Variants in CNTNAP5 observed in about 807,000 individuals in gnomAD.
The protein encoded by CNTNAP5 is contactin-associated protein-like 5.
A neutral mutation model predicts 150.2 loss-of-function variants in CNTNAP5; 72 were observed. The ratio of observed to expected loss-of-function variants is 0.48; its 90% CI spans 0.40 to 0.58. The LOEUF (loss-of-function observed/expected upper bound fraction) is 0.58. Ranked by LOEUF, CNTNAP5 falls within the 20% of genes least tolerant of loss-of-function variation. The pLI is 0.00. For synonymous variants in CNTNAP5, 672 were observed against 619.8 expected, an observed-to-expected ratio of 1.08 and a Z score of -1.25; for missense variants, 1,636 against 1,626.2, an observed-to-expected ratio of 1.01 and a Z score of -0.10.
chr2:124,178,098 C>T (rs1008322033), intron 1 of CNTNAP5, among the ~76,000 whole-genome samples: 2 of 152,034 alleles, frequency 1.3e-5, no homozygotes, highest in East Asian at 1.9e-4. Flanking sequence ...CCACCCGCCT[C>T]GGCCTCCCAA....
At chr2:124,244,552 A>G (rs962232605) in intron 3 of CNTNAP5, among the ~76,000 whole-genome samples, 1 of 152,096 alleles carries the variant, frequency 6.6e-6, no homozygotes, top group African/African-American at 2.4e-5. Flanking sequence ...AGCTCCCCAG[A>G]GATGCTTGCA....
intron 19 of CNTNAP5, among the ~76,000 whole-genome samples, chr2:124,820,854 GC>G (rs1268294690): frequency 2.6e-5 from 4 of 152,196 alleles, no homozygotes; most frequent in Non-Finnish European, 5.9e-5. Context: ...CTGTGGGTTA[GC>G]TTCTGTGATT....
chr2:124,805,586 A>G (rs1682064947), intron 19 of CNTNAP5, among the ~76,000 whole-genome samples: 2 of 152,238 alleles, frequency 1.3e-5, no homozygotes, highest in Admixed American at 6.5e-5. Flanking sequence ...AAGAGCTAGT[A>G]TGGAAATAAA....
At chr2:124,710,549 C>T (rs1027671236) in intron 13 of CNTNAP5, among the ~76,000 whole-genome samples, 1 of 152,148 alleles carries the variant, frequency 6.6e-6, no homozygotes, top group Non-Finnish European at 1.5e-5. Context: ...CAATCCACCA[C>T]TCCATCCAGC....
chr2:124,896,161 A>C (rs571574802), intron 21 of CNTNAP5, among the ~76,000 whole-genome samples: 3 of 151,574 alleles, frequency 2.0e-5, no homozygotes, highest in Non-Finnish European at 4.4e-5. Flanking sequence ...TCTAATCAGA[A>C]CTTGGTTTGC....
chr2:124,298,547 C>T (rs1238172466), intron 3 of CNTNAP5, among the ~76,000 whole-genome samples: 2 of 152,172 alleles, frequency 1.3e-5, no homozygotes, highest in African/African-American at 2.4e-5. Flanking sequence ...GAAGACCTTC[C>T]TCTGGAGCCT....
At chr2:124,876,466 G>A (rs1327237261) in intron 21 of CNTNAP5, among the ~76,000 whole-genome samples, 1 of 151,698 alleles carries the variant, frequency 6.6e-6, no homozygotes, top group Non-Finnish European at 1.5e-5. Context: ...TTTTTAAGAG[G>A]AGAGAAGAGG....
At chr2:124,735,105 A>C (rs572698994) in intron 13 of CNTNAP5, among the ~76,000 whole-genome samples, 2 of 152,318 alleles carry the variant, frequency 1.3e-5, no homozygotes, top group South Asian at 4.1e-4. Context: ...AGAGAATTCT[A>C]GCTTTCCCCT....
intron 5 of CNTNAP5, among the ~76,000 whole-genome samples, chr2:124,437,685 T>A (rs182875243): frequency 2.0e-5 from 3 of 152,264 alleles, no homozygotes; most frequent in Admixed American, 2.0e-4. Context: ...TTTCCTGTTG[T>A]CACACAGCCT....
At chr2:124,391,780 C>T (rs1310689387) in intron 3 of CNTNAP5, among the ~76,000 whole-genome samples, 1 of 150,778 alleles carries the variant, frequency 6.6e-6, no homozygotes. Context: ...ACGGTGAGAC[C>T]CCGTCTCTAC....
At position 124,504,466 on chromosome 2, in the gene CNTNAP5, G is replaced by A. The variant is rs780735298; in HGVS notation, c.1237G>A (p.Gly413Ser). The change falls in exon 8 of 24, where the codon GGC (glycine) becomes AGC (serine). Residue 413 changes from glycine to serine, a missense_variant. Physicochemically the swap from Gly to Ser is moderately conservative, Grantham distance 56. Transcript: ENST00000682447. ...GLLLSTELSE[G>S]SGTLLLSLEG... ...GCTTCTGTCCACAGAGCTGTCTGAG[G>A]GCTCGGGAACCCTGCTGCTGAGCCT... 14 of 1,613,814 alleles carry A rather than the reference G, an allele frequency of 8.7e-6. No individual in the cohort carries two copies. The South Asian group carries it at 1.4e-4, about 16-fold the overall frequency.
chr2:124,065,064 C>T (rs1006802157), intron 1 of CNTNAP5, among the ~76,000 whole-genome samples: 2 of 152,110 alleles, frequency 1.3e-5, no homozygotes, highest in Non-Finnish European at 2.9e-5. Context: ...TCCCCCAGTA[C>T]CTCTCTATAG....
chr2:124,387,643 A>C (rs898032859), intron 3 of CNTNAP5, among the ~76,000 whole-genome samples: 28 of 152,070 alleles, frequency 1.8e-4, no homozygotes, highest in African/African-American at 6.8e-4. Context: ...AGGGTGGGGG[A>C]GATTACAAAG....
chr2:124,176,747 T>C (rs1179548723), intron 1 of CNTNAP5, among the ~76,000 whole-genome samples: 1 of 152,008 alleles, frequency 6.6e-6, no homozygotes, highest in Non-Finnish European at 1.5e-5. Context: ...GCAGCATTCC[T>C]TCTTTCTGGG....
intron 6 of CNTNAP5, among the ~76,000 whole-genome samples, chr2:124,453,698 T>C (rs1165498718): frequency 1.3e-5 from 2 of 152,176 alleles, no homozygotes; most frequent in African/African-American, 4.8e-5. Context: ...GCACAAATCC[T>C]ACAAGCTAGA....
rs1558746882 is a variant in CNTNAP5, at chr2:124,713,309, T to TTTCCTTC, written c.2078-33920_2078-33919insTTCCTTC. ...TCTTTCTTTCTTTCTTTCTTCTTTC[T>TTTCCTTC]CTTTCTTTCCTTTCTTTCTTTCTTT... is the stretch of plus-strand genomic sequence containing the variant. On this transcript the variant is annotated intron_variant, in intron 13 of 23. Transcript: ENST00000682447. Among the ~76,000 whole-genome samples the TTTCCTTC allele has an allele frequency of 3.3e-3, 267 of 81,564 alleles. 7 individuals carry two copies. Among genetic ancestry groups the TTTCCTTC allele is most frequent in the Non-Finnish European group, 5.9e-3 (210 of 35,740 alleles). 53.5% of individuals were successfully genotyped at this position (81,564 alleles called of 152,430 possible).
intron 18 of CNTNAP5, 21 bp from the exon 19 acceptor site, chr2:124,798,075 C>T: frequency 6.4e-7 from 1 of 1,568,170 alleles, no homozygotes; most frequent in Non-Finnish European, 8.7e-7. Flanking sequence ...AATGTGTGCT[C>T]TCCCCTCTTA....
intron 10 of CNTNAP5, among the ~76,000 whole-genome samples, chr2:124,553,074 G>A (rs1420027356): frequency 1.3e-5 from 2 of 152,188 alleles, no homozygotes; most frequent in African/African-American, 4.8e-5. Flanking sequence ...CTAGGTCAAA[G>A]CAGATATATA....
chr2:124,113,727 T>C (rs1473739999), intron 1 of CNTNAP5, among the ~76,000 whole-genome samples: 1 of 151,972 alleles, frequency 6.6e-6, no homozygotes, highest in Non-Finnish European at 1.5e-5. Context: ...GTTTTAAAAA[T>C]GTATAATATA....
Sources: allele counts gnomAD v4.1 joint callset (sites outside exome capture counted in the v4.1 genomes callset), GRCh38; gene constraint gnomAD v4.1.1; transcripts MANE v1.5; gene names NCBI Gene and HGNC (gene_info 2026-07-23, HGNC 2026-07-21).